Variants in EPS8 observed in about 807,000 individuals in gnomAD.
EPS8 encodes EGFR pathway substrate 8, signaling adaptor, also known as epidermal growth factor receptor kinase substrate 8.
A neutral mutation model predicts 103.8 loss-of-function variants in EPS8; 42 were observed. The ratio of observed to expected loss-of-function variants is 0.40; its 90% confidence interval spans 0.32 to 0.52. EPS8 has a LOEUF of 0.52. Among genes scored for constraint, EPS8 ranks in the 20% least tolerant of loss-of-function variants. The probability of loss-of-function intolerance (pLI) is 0.40; values close to 1 mark genes in which losing one functional copy is unlikely to be tolerated. For missense variants in EPS8, 969 were observed against 1,005.1 expected (o/e 0.96, Z 0.49); for synonymous variants, 344 against 344.6 (o/e 1.00, Z 0.02).
rs750574971 is a variant in EPS8, at chr12:15,669,352, T to G, written c.516+35A>C. 2.5e-6 allele frequency: 4 copies of G among 1,583,380 alleles called. No individual in the cohort carries two copies. The South Asian group carries it at 4.6e-5, about 18-fold the overall frequency. The stretch of plus-strand genomic sequence containing the variant: ...ATTCAAAAGCTCCCAGACAATCTGC[T>G]TAAAGAAGAAACAAAAATTTCACCA... On this transcript the variant is annotated intron_variant, in intron 6 of 20. Transcript: ENST00000281172.
At chr12:15,743,142 TG>T in intron 1 of EPS8, among the ~76,000 whole-genome samples, 1 of 152,264 alleles carries the variant, frequency 6.6e-6, no homozygotes, top group South Asian at 2.1e-4. Flanking sequence ...AGTCAAATCA[TG>T]AGTGAACTCC....
chr12:15,775,800 T>C (rs1479175665), intron 1 of EPS8, among the ~76,000 whole-genome samples: 2 of 152,184 alleles, frequency 1.3e-5, no homozygotes, highest in African/African-American at 2.4e-5. Context: ...TAGGCACTTA[T>C]TTAATATTTC....
chr12:15,673,382 T>C (rs962761136), intron 3 of EPS8, among the ~76,000 whole-genome samples: 1 of 152,220 alleles, frequency 6.6e-6, no homozygotes, highest in Non-Finnish European at 1.5e-5. Flanking sequence ...AACATTTTAA[T>C]AGGCAATTTT....
At chr12:15,686,909 T>A (rs1043321105) in intron 1 of EPS8, among the ~76,000 whole-genome samples, 1 of 152,148 alleles carries the variant, frequency 6.6e-6, no homozygotes, top group Non-Finnish European at 1.5e-5. Context: ...GATTTTTTTA[T>A]CTACAGAAGT....
intron 1 of EPS8, among the ~76,000 whole-genome samples, chr12:15,773,592 G>A (rs1947177446): frequency 6.6e-6 from 1 of 151,976 alleles, no homozygotes; most frequent in Non-Finnish European, 1.5e-5. Context: ...ACATGATGCA[G>A]CAGAAGCAAG....
rs901510153 is a variant in EPS8 at position 15,779,855 on chromosome 12, T to C, written c.-22+9306A>G. Among the ~76,000 whole-genome samples, 6 of 152,238 alleles carry C rather than the reference T, an allele frequency of 3.9e-5. No individual in the cohort carries two copies. Among genetic ancestry groups the C allele is most frequent in the Admixed American group, 3.3e-4 (5 of 15,278 alleles). Reference sequence around the variant, plus strand: ...TTTTTTAGTACATTCCTAAATAGTATGTTTCAGGTTCTGTTCAGAAACTAT... The same window carrying C: ...TTTTTTAGTACATTCCTAAATAGTACGTTTCAGGTTCTGTTCAGAAACTAT... On this transcript the variant is annotated intron_variant, in intron 1 of 20. Coordinates refer to ENST00000281172, the MANE Select transcript of EPS8 (RefSeq NM_004447.6). This position sits in a 1 kb window ranked among gnomAD's most constrained non-coding sequence, Gnocchi z 4.3.
At chr12:15,658,362 G>T in intron 11 of EPS8, 135 bp downstream of exon 11, 1 of 722,882 alleles carries the variant, frequency 1.4e-6, no homozygotes, top group Non-Finnish European at 2.3e-6. Context: ...TTAACTGAAG[G>T]CAAATCAAAA....
chr12:15,633,361 T>C (rs1945082235), intron 17 of EPS8, among the ~76,000 whole-genome samples: 1 of 152,236 alleles, frequency 6.6e-6, no homozygotes, highest in Non-Finnish European at 1.5e-5. Context: ...GCACGTAATT[T>C]CATGAAGGGC....
At chr12:15,686,255 T>C (rs560238701) in intron 1 of EPS8, among the ~76,000 whole-genome samples, 5 of 152,322 alleles carry the variant, frequency 3.3e-5, no homozygotes, top group African/African-American at 1.2e-4. Context: ...GCTTACTTTA[T>C]TTTAGAATAT....
intron 3 of EPS8, among the ~76,000 whole-genome samples, chr12:15,675,791 G>T (rs1334047099): frequency 6.6e-6 from 1 of 152,302 alleles, no homozygotes; most frequent in East Asian, 1.9e-4. Flanking sequence ...GGTAATTTAT[G>T]AAATGATCAC....
intron 1 of EPS8, among the ~76,000 whole-genome samples, chr12:15,703,769 T>G (rs1437805100): frequency 6.6e-6 from 1 of 150,758 alleles, no homozygotes; most frequent in Non-Finnish European, 1.5e-5. Flanking sequence ...GGAAGCAAAG[T>G]TGATTATTTG....
At chr12:15,750,402 T>C (rs1249270163) in intron 1 of EPS8, among the ~76,000 whole-genome samples, 1 of 152,200 alleles carries the variant, frequency 6.6e-6, no homozygotes, top group East Asian at 1.9e-4. Flanking sequence ...TTCCTTTACA[T>C]ATGTCTATCA....
At chr12:15,662,320 T>G in intron 8 of EPS8, 1 of 1,291,294 alleles carries the variant, frequency 7.7e-7, no homozygotes, top group Non-Finnish European at 9.8e-7. Context: ...CTCTCAACTT[T>G]ATGATGTTAA....
chr12:15,737,820 G>A lies in EPS8; in HGVS notation c.-22+51341C>T, dbSNP rs140306161. Among the ~76,000 whole-genome samples, 419 of 151,928 alleles carry A rather than the reference G, an allele frequency of 2.8e-3. 4 individuals carry two copies. The highest frequency in any genetic ancestry group is 8.5e-3 in the African/African-American group (351 of 41,462). On this transcript the variant is annotated intron_variant, in intron 1 of 20. Transcript: ENST00000281172. ...TTATTAAATCTGTTTCAACAGTCCC[G>A]CGACACCAATTATTTTCCATTTTTG...
rs920547761 is a variant in EPS8, at chr12:15,621,373, T to G, written c.2413A>C (p.Ser805Arg). 6.2e-7 allele frequency: 1 copy of G among 1,605,182 alleles called. No homozygotes were observed. Among genetic ancestry groups the G allele is most frequent in the African/African-American group, 1.3e-5 (1 of 74,252 alleles). Residue 805 changes from serine to arginine, a missense_variant, in exon 21 of 21, where the codon AGT becomes CGT. Ser to Arg is a moderately radical substitution (Grantham distance 110). Transcript: ENST00000281172. ...ACTCCTGAATCACTAGCGGCAGCAC[T>G]GATTTTTTCCTGTCGTCTTCTCATA... Reference protein sequence around the residue: ...EIMRRRQEKISAAASDSGVES... With the variant: ...EIMRRRQEKIRAAASDSGVES...
chr12:15,788,466 G>A (rs1256871437), intron 1 of EPS8, among the ~76,000 whole-genome samples: 2 of 152,096 alleles, frequency 1.3e-5, no homozygotes, highest in East Asian at 1.9e-4. Context: ...TTGCAAACAG[G>A]TAGTCCTAGG....
At chr12:15,750,696 T>C (rs181703410) in intron 1 of EPS8, among the ~76,000 whole-genome samples, 8 of 152,332 alleles carry the variant, frequency 5.3e-5, no homozygotes, top group Admixed American at 2.6e-4. Context: ...TTCATCACTT[T>C]GCTGAGTACT....
Position 15,781,616 on chromosome 12 carries a change from A to G in EPS8, c.-22+7545T>C, listed in dbSNP as rs1221351480. 6.6e-6 allele frequency: 1 copy of G among 152,246 alleles called. No individual in the cohort carries two copies. Among genetic ancestry groups the G allele is most frequent in the East Asian group, 1.9e-4 (1 of 5,202 alleles). 9.4% of individuals were successfully genotyped at this position (152,246 alleles called of 1,614,324 possible). ...CTGCTCCACCTGCTTCTTGAAGACTACTGGTTCTAACTTTAGTGCAACATT... is the reference window on the plus strand; with the variant it reads ...CTGCTCCACCTGCTTCTTGAAGACTGCTGGTTCTAACTTTAGTGCAACATT... On this transcript the variant is annotated intron_variant, in intron 1 of 20. Coordinates refer to ENST00000281172, the MANE Select transcript of EPS8 (RefSeq NM_004447.6). The surrounding 1 kb of genome is among the most constrained non-coding windows in gnomAD (Gnocchi z 4.1).
In EPS8 at chr12:15,760,371, A is replaced by C. The variant is rs1947029065; in HGVS notation, c.-22+28790T>G. Reference sequence around the variant, plus strand: ...TGGCTTCACTGCTAAATTCTACAAAACATTTAAAGAAGAATTAATACGAAT... The same window carrying C: ...TGGCTTCACTGCTAAATTCTACAAACCATTTAAAGAAGAATTAATACGAAT... On this transcript the variant is annotated intron_variant, in intron 1 of 20. Transcript: ENST00000281172. This position sits in a 1 kb window ranked among gnomAD's most constrained non-coding sequence, Gnocchi z 4.5. Among the ~76,000 whole-genome samples the C allele has an allele frequency of 6.6e-6, 1 of 152,106 alleles. No individual in the cohort carries two copies.
Sources: allele counts gnomAD v4.1 joint callset (sites outside exome capture counted in the v4.1 genomes callset), GRCh38; gene constraint gnomAD v4.1.1; non-coding constraint Gnocchi (gnomAD v3.1); transcripts MANE v1.5; gene names NCBI Gene and HGNC (gene_info 2026-07-23, HGNC 2026-07-21).